Variants in GXYLT1 observed in about 807,000 individuals in gnomAD.
GXYLT1 encodes the protein glycosyltransferase 8 domain containing 3.
In GXYLT1, 29 loss-of-function variants were observed where a neutral mutation model predicts 54.0. That is an observed-to-expected ratio of 0.54 (90% CI 0.40 to 0.73). The LOEUF is 0.73. Ranked by LOEUF, GXYLT1 falls within the 30% of genes least tolerant of loss-of-function variation. GXYLT1 has a pLI of 0.00. For synonymous variants in GXYLT1, 176 were observed against 204.1 expected, an observed-to-expected ratio of 0.86 and a Z score of 1.17; for missense variants, 490 against 553.4, an observed-to-expected ratio of 0.89 and a Z score of 1.15.
chr12:42,101,366 A>G (rs572089081), intron 5 of GXYLT1, among the ~76,000 whole-genome samples: 2 of 152,330 alleles, frequency 1.3e-5, no homozygotes, highest in East Asian at 3.9e-4. Context: ...ATATATTTTC[A>G]GCCATACAAC....
chr12:42,091,055 T>C (rs1182172321), intron 7 of GXYLT1, among the ~76,000 whole-genome samples: 1 of 152,364 alleles, frequency 6.6e-6, no homozygotes, highest in Non-Finnish European at 1.5e-5. Flanking sequence ...TGGCTATGAC[T>C]AAGCCTCTGT....
At chr12:42,140,200 C>CG (rs1188871012) in intron 1 of GXYLT1, among the ~76,000 whole-genome samples, 4,445 of 37,774 alleles carry the variant, frequency 0.12, 611 homozygotes, top group Non-Finnish European at 0.12. Flanking sequence ...AAAAAAAAGG[C>CG]GGGGGGGGGG....
chr12:42,099,904 T>C (rs2065379774), intron 5 of GXYLT1, among the ~76,000 whole-genome samples: 1 of 152,330 alleles, frequency 6.6e-6, no homozygotes, highest in South Asian at 2.1e-4. Flanking sequence ...TCATTTTAAC[T>C]GGAAAGCTCC....
Position 42,084,380 on chromosome 12 carries a change from C to G in GXYLT1, c.*3406G>C, listed in dbSNP as rs76266834. On this transcript the variant is annotated 3_prime_UTR_variant, in exon 8 of 8. Coordinates refer to ENST00000398675, the MANE Select transcript of GXYLT1 (RefSeq NM_173601.2). ...ACTTTCTCTTCCTGAAAAACTCTTC[C>G]TTACATAAACAAATTCATACTGGAG... 4,628 of 30,028 alleles carry G rather than the reference C, an allele frequency of 0.15. No individual in the cohort carries two copies. The highest frequency in any genetic ancestry group is 0.16 in the African/African-American group (1,353 of 8,282). 1.9% of individuals were successfully genotyped at this position (30,028 alleles called of 1,614,324 possible). A position where few individuals can be genotyped will look rare whatever the true frequency, so the allele number is the denominator to read the frequency against.
chr12:42,092,557 C>A (rs976627583), intron 7 of GXYLT1, among the ~76,000 whole-genome samples: 1 of 151,948 alleles, frequency 6.6e-6, no homozygotes, highest in African/African-American at 2.4e-5. Flanking sequence ...ACCCCAATTA[C>A]ATAAAAGGGG....
chr12:42,114,302 A>G (rs1451066724), intron 3 of GXYLT1, among the ~76,000 whole-genome samples: 1 of 152,236 alleles, frequency 6.6e-6, no homozygotes, highest in African/African-American at 2.4e-5. Context: ...AAGGAAACAG[A>G]GACACAAAAA....
intron 1 of GXYLT1, among the ~76,000 whole-genome samples, chr12:42,140,197 A>AAAGGGGGGG (rs2065643747): frequency 3.2e-5 from 1 of 31,300 alleles, no homozygotes; most frequent in African/African-American, 1.4e-4. Context: ...AAAAAAAAAA[A>AAAGGGGGGG]GGCGGGGGGG....
intron 5 of GXYLT1, among the ~76,000 whole-genome samples, chr12:42,105,191 T>A (rs2065412209): frequency 6.6e-6 from 1 of 152,246 alleles, no homozygotes; most frequent in South Asian, 2.1e-4. Context: ...TAAATATTAG[T>A]ACATACTGAT....
intron 5 of GXYLT1, among the ~76,000 whole-genome samples, chr12:42,100,598 CATT>C (rs1265845735): frequency 6.6e-6 from 1 of 150,734 alleles, no homozygotes; most frequent in African/African-American, 2.4e-5. Context: ...GCTACAACTG[CATT>C]ATTATCCTTG....
chr12:42,133,292 C>A (rs1311381134), intron 1 of GXYLT1, among the ~76,000 whole-genome samples: 3 of 152,052 alleles, frequency 2.0e-5, no homozygotes, highest in African/African-American at 7.2e-5. Flanking sequence ...AACCAACCAA[C>A]CAACCAACCA....
At chr12:42,137,149 C>T (rs2065624238) in intron 1 of GXYLT1, among the ~76,000 whole-genome samples, 1 of 152,112 alleles carries the variant, frequency 6.6e-6, no homozygotes, top group Non-Finnish European at 1.5e-5. Flanking sequence ...CTATGCAAAA[C>T]TTACCAAAGA....
intron 2 of GXYLT1, among the ~76,000 whole-genome samples, chr12:42,126,860 A>G (rs2065565434): frequency 6.6e-6 from 1 of 150,934 alleles, no homozygotes; most frequent in Non-Finnish European, 1.5e-5. Context: ...AGCCTGGGAG[A>G]CAGTGAAACC....
chr12:42,090,112 T>TG (rs1555138097), intron 7 of GXYLT1, among the ~76,000 whole-genome samples: 3,660 of 9,700 alleles, frequency 0.38, 142 homozygotes, highest in African/African-American at 0.48. Flanking sequence ...TCTTCTTCAC[T>TG]GGAAAAAAAA....
intron 3 of GXYLT1, among the ~76,000 whole-genome samples, chr12:42,116,241 C>T (rs1592115732): frequency 2.6e-5 from 4 of 152,126 alleles, no homozygotes; most frequent in Admixed American, 6.5e-5. Context: ...ATGTCTAAAA[C>T]ACCAAAAGCA....
intron 7 of GXYLT1, among the ~76,000 whole-genome samples, chr12:42,088,652 G>T (rs1000788151): frequency 2.0e-5 from 3 of 151,994 alleles, no homozygotes; most frequent in African/African-American, 7.3e-5. Flanking sequence ...AAAAGGCTGT[G>T]GTAGTAAAGT....
At chr12:42,139,786 T>C (rs1371207015) in intron 1 of GXYLT1, among the ~76,000 whole-genome samples, 4 of 152,228 alleles carry the variant, frequency 2.6e-5, no homozygotes, top group Non-Finnish European at 4.4e-5. Flanking sequence ...TAAGATGTTT[T>C]TGCAATAACA....
intron 1 of GXYLT1, among the ~76,000 whole-genome samples, chr12:42,135,789 G>A (rs1193129195): frequency 1.3e-5 from 2 of 152,156 alleles, no homozygotes; most frequent in Non-Finnish European, 1.5e-5. Context: ...TCATGACTGG[G>A]GGACTGAGGA....
chr12:42,132,564 T>C (rs1253826644), intron 1 of GXYLT1, among the ~76,000 whole-genome samples: 1 of 152,224 alleles, frequency 6.6e-6, no homozygotes, highest in Non-Finnish European at 1.5e-5. Flanking sequence ...AATATCTTCC[T>C]ACAAATATTT....
chr12:42,132,227 G>T (rs994696681), intron 1 of GXYLT1, among the ~76,000 whole-genome samples: 3 of 152,050 alleles, frequency 2.0e-5, no homozygotes, highest in African/African-American at 7.2e-5. Context: ...AGTTAATCAA[G>T]ACTCCCCAGA....
Sources: gnomAD v4.1 joint callset for allele counts (sites outside exome capture counted in the v4.1 genomes callset) on GRCh38, gnomAD v4.1.1 for gene constraint, MANE v1.5 for transcripts, NCBI Gene and HGNC (gene_info 2026-07-23, HGNC 2026-07-21) for gene names.